BICD1: variants seen among roughly 807,000 people sequenced by gnomAD.
The protein encoded by BICD1 is protein bicaudal D homolog 1.
A neutral mutation model predicts 92.5 loss-of-function variants in BICD1; 35 were observed. The observed-to-expected ratio is 0.38, with a 90% CI of 0.29 to 0.50. BICD1 has a LOEUF of 0.50. BICD1 is among the 20% of genes least tolerant of loss of function. The pLI is 0.93. For synonymous variants in BICD1, 429 were observed against 465.1 expected (o/e 0.92, Z 1.00); for missense variants, 950 against 1,189.8 (o/e 0.80, Z 2.97).
chr12:32,353,499 G>A (rs948069128), intron 8 of BICD1: 2 of 151,444 alleles, frequency 1.3e-5, no homozygotes, highest in Admixed American at 6.6e-5. Context: ...GTGAAAGTCT[G>A]TAATTTTCAG....
intron 1 of BICD1, among the ~76,000 whole-genome samples, chr12:32,167,601 G>C (rs574000165): frequency 2.0e-5 from 3 of 152,080 alleles, no homozygotes; most frequent in East Asian, 1.9e-4. Flanking sequence ...GACTACAGGC[G>C]CATGCCACCA....
chr12:32,217,719 T>C (rs1306629683), intron 2 of BICD1, among the ~76,000 whole-genome samples: 1 of 152,196 alleles, frequency 6.6e-6, no homozygotes, highest in Non-Finnish European at 1.5e-5. Context: ...AGAGCTACTC[T>C]CTGGTTCCTT....
rs34913740 is a variant in BICD1, at chr12:32,288,223, A to AT, written c.427-5747dup. On this transcript the variant is annotated intron_variant, in intron 2 of 9. Coordinates refer to ENST00000652176, the MANE Select transcript of BICD1 (RefSeq NM_001714.4). ...CTTACCTGTCACCTACCAAGTCCTAATTTTTTTTTTTTTTTTTTTTTTTTC... is the reference window on the plus strand; with the variant it reads ...CTTACCTGTCACCTACCAAGTCCTAATTTTTTTTTTTTTTTTTTTTTTTTTC... Among the ~76,000 whole-genome samples the AT allele has an allele frequency of 6.0e-3, 656 of 109,476 alleles. 12 individuals carry two copies. Among genetic ancestry groups the AT allele is most frequent in the African/African-American group, 0.013 (362 of 27,194 alleles). 71.8% of individuals were successfully genotyped at this position (109,476 alleles called of 152,430 possible).
Position 32,327,593 on chromosome 12 carries a change from G to T in BICD1, c.1138G>T (p.Gly380Cys). 1.2e-6 allele frequency: 2 copies of T among 1,614,112 alleles called. No individual in the cohort carries two copies. Among genetic ancestry groups the T allele is most frequent in the African/African-American group, 1.3e-5 (1 of 75,024 alleles). The change falls in exon 5 of 10, where the codon GGC becomes TGC. Residue 380 changes from glycine to cysteine, a missense_variant. By Grantham distance (159) the Gly-to-Cys change is radical. Around this residue, in one of 5 missense-constraint regions of BICD1, gnomAD observed 246 missense variants for 258.4 expected, o/e 0.95. Coordinates refer to ENST00000652176, the MANE Select transcript of BICD1 (RefSeq NM_001714.4). ...RLTEHVNAMR[G>C]LQSSKELKAE... The stretch of plus-strand genomic sequence containing the variant: ...CACAGAGCACGTCAATGCCATGAGG[G>T]GCCTGCAAAGCAGCAAGGAGCTCAA...
intron 2 of BICD1, among the ~76,000 whole-genome samples, chr12:32,247,943 C>A (rs574815634): frequency 2.0e-5 from 3 of 151,966 alleles, no homozygotes; most frequent in Admixed American, 6.6e-5. Context: ...AAATTAGCCA[C>A]GTGGTGGTGC....
chr12:32,107,599 G>T, intron 1 of BICD1, 55 bp downstream of exon 1: 1 of 1,511,498 alleles, frequency 6.6e-7, no homozygotes, highest in Non-Finnish European at 9.0e-7. Flanking sequence ...CACCCGCAAG[G>T]CCCACTCATC....
intron 1 of BICD1, among the ~76,000 whole-genome samples, chr12:32,130,996 G>A (rs566082938): frequency 1.4e-4 from 22 of 152,066 alleles, no homozygotes; most frequent in South Asian, 6.2e-4. Context: ...CACCATTCCC[G>A]GCTAATTTTT....
chr12:32,198,078 G>T (rs747043677), intron 1 of BICD1, among the ~76,000 whole-genome samples: 8 of 151,914 alleles, frequency 5.3e-5, no homozygotes, highest in Non-Finnish European at 8.8e-5. Flanking sequence ...GGTGGCTCAT[G>T]CCTGTAATCC....
chr12:32,122,467 C>T (rs1188783299), intron 1 of BICD1, among the ~76,000 whole-genome samples: 1 of 138,950 alleles, frequency 7.2e-6, no homozygotes, highest in Admixed American at 7.8e-5. Flanking sequence ...CCAGCCTGGG[C>T]GACAGAGCAA....
rs1467466799 is a variant in BICD1 at position 32,379,602 on chromosome 12, A to G, written c.*1975A>G. ...TCTGCCTAGTACCAGTATTAGTGAG[A>G]CTGTGGATTTTATCAGAGTTCAATG... On this transcript the variant is annotated 3_prime_UTR_variant, in exon 10 of 10. Transcript: ENST00000652176. The G allele has an allele frequency of 6.6e-6, 1 of 152,092 alleles. No individual in the cohort carries two copies. The highest frequency in any genetic ancestry group is 6.6e-5 in the Admixed American group (1 of 15,258). 9.4% of individuals were successfully genotyped at this position (152,092 alleles called of 1,614,324 possible).
intron 2 of BICD1, among the ~76,000 whole-genome samples, chr12:32,269,995 A>G (rs1385415043): frequency 1.3e-5 from 2 of 151,602 alleles, no homozygotes; most frequent in African/African-American, 4.9e-5. Flanking sequence ...GGTGGCACGT[A>G]CCTATAGTCC....
At chr12:32,297,999 T>C (rs771721349) in intron 3 of BICD1, among the ~76,000 whole-genome samples, 2 of 151,356 alleles carry the variant, frequency 1.3e-5, no homozygotes, top group Non-Finnish European at 2.9e-5. Flanking sequence ...CTGGGCAACA[T>C]AGGGAGACCT....
chr12:32,200,570 G>A (rs1052512330), intron 1 of BICD1, among the ~76,000 whole-genome samples: 1 of 152,202 alleles, frequency 6.6e-6, no homozygotes, highest in Non-Finnish European at 1.5e-5. Flanking sequence ...GGGCCACCAG[G>A]CTTTGAATAG....
intron 6 of BICD1, among the ~76,000 whole-genome samples, chr12:32,335,242 C>T (rs574004304): frequency 6.6e-6 from 1 of 152,208 alleles, no homozygotes; most frequent in Admixed American, 6.5e-5. Context: ...CCTCCGCCTC[C>T]CGGGTTCTAG....
intron 4 of BICD1, among the ~76,000 whole-genome samples, chr12:32,322,186 TATAG>T (rs765340934): frequency 1.2e-4 from 19 of 152,056 alleles, no homozygotes; most frequent in Non-Finnish European, 2.5e-4. Context: ...GAGAAATATA[TATAG>T]ATAGATAGAT....
intron 1 of BICD1, among the ~76,000 whole-genome samples, chr12:32,179,091 A>G (rs1252386840): frequency 1.3e-5 from 2 of 151,996 alleles, no homozygotes; most frequent in African/African-American, 4.8e-5. Context: ...AGCACTATAT[A>G]TTTCATAGTT....
At chr12:32,181,188 G>T (rs113451554) in intron 1 of BICD1, among the ~76,000 whole-genome samples, 2 of 151,766 alleles carry the variant, frequency 1.3e-5, no homozygotes, top group Non-Finnish European at 2.9e-5. Flanking sequence ...GGGAGGCCGA[G>T]GGGGGTGGAT....
intron 2 of BICD1, among the ~76,000 whole-genome samples, chr12:32,266,770 A>T (rs914066783): frequency 5.3e-5 from 8 of 151,856 alleles, no homozygotes; most frequent in Admixed American, 3.9e-4. Flanking sequence ...AGGCAGAAGA[A>T]TCACTTGAAC....
intron 4 of BICD1, among the ~76,000 whole-genome samples, chr12:32,308,965 A>AT (rs963804751): frequency 4.0e-5 from 6 of 151,486 alleles, no homozygotes; most frequent in African/African-American, 9.7e-5. Context: ...CTAACTGTAA[A>AT]TTTTTTTTTA....
Sources: allele counts gnomAD v4.1 joint callset (sites outside exome capture counted in the v4.1 genomes callset), GRCh38; gene constraint gnomAD v4.1.1; regional missense constraint gnomAD v4.1.1; transcripts MANE v1.5; gene names NCBI Gene and HGNC (gene_info 2026-07-23, HGNC 2026-07-21).